CAST: variants seen among roughly 807,000 people sequenced by gnomAD.
CAST encodes calpastatin.
CAST carries 76 observed loss-of-function variants against 119.6 expected under a neutral mutation model. That is an observed-to-expected ratio of 0.64 (90% CI 0.53 to 0.77). CAST has a LOEUF of 0.77. Among genes scored for constraint, CAST ranks in the 30% least tolerant of loss-of-function variants. The pLI is 0.00. For synonymous variants in CAST, 319 were observed against 331.6 expected, an observed-to-expected ratio of 0.96 and a Z score of 0.41; for missense variants, 953 against 946.5, an observed-to-expected ratio of 1.01 and a Z score of -0.09.
chr5:96,738,618 A>T (rs939344272), intron 11 of CAST, among the ~76,000 whole-genome samples: 1 of 151,896 alleles, frequency 6.6e-6, no homozygotes, highest in Non-Finnish European at 1.5e-5. Flanking sequence ...TCCTAAAATT[A>T]TATTTTCCTT....
the CAST span, among the ~76,000 whole-genome samples, chr5:96,028,885 G>C: frequency 2.0e-5 from 3 of 152,064 alleles, no homozygotes; most frequent in Non-Finnish European, 4.4e-5. Context: ...AAATTGTTTA[G>C]AGTGAGACTG....
chr5:96,516,161 C>A, the CAST span, among the ~76,000 whole-genome samples: 1 of 81,056 alleles, frequency 1.2e-5, no homozygotes, highest in Non-Finnish European at 2.8e-5. Context: ...GGTGGCCATG[C>A]ATTTCAGAGG....
rs1358906319 is a variant in CAST at position 96,773,558 on chromosome 5, TAA to T, written c.*943_*944del. The T allele has an allele frequency of 3.9e-5, 6 of 152,188 alleles. No individual in the cohort carries two copies. Among genetic ancestry groups the T allele is most frequent in the Non-Finnish European group, 7.4e-5 (5 of 67,992 alleles). 9.4% of individuals were successfully genotyped at this position (152,188 alleles called of 1,614,324 possible). A position where few individuals can be genotyped will look rare whatever the true frequency, so the allele number is the denominator to read the frequency against. On this transcript the variant is annotated 3_prime_UTR_variant, in exon 32 of 32. Coordinates refer to ENST00000675179, the MANE Select transcript of CAST (RefSeq NM_001750.7). ...GTATAGCGTCTGGCTTTATGGAACTTAAGTTTACCAAATATAAAAAGAAACTT... is the reference window on the plus strand; with the variant it reads ...GTATAGCGTCTGGCTTTATGGAACTTGTTTACCAAATATAAAAAGAAACTT...
chr5:96,111,959 A>T, the CAST span, among the ~76,000 whole-genome samples: 1 of 151,752 alleles, frequency 6.6e-6, no homozygotes, highest in Non-Finnish European at 1.5e-5. Flanking sequence ...GCATTTTTTT[A>T]AACTTTATTT....
At chr5:96,278,228 G>A in the CAST span, among the ~76,000 whole-genome samples, 36 of 152,252 alleles carry the variant, frequency 2.4e-4, no homozygotes, top group African/African-American at 7.9e-4. Context: ...ATCTGTGGGG[G>A]AGTGGTTTGT....
At chr5:96,511,768 G>A in the CAST span, among the ~76,000 whole-genome samples, 2 of 152,196 alleles carry the variant, frequency 1.3e-5, no homozygotes, top group South Asian at 4.1e-4. Flanking sequence ...TTTCCAGAAT[G>A]ACCTAGAGAA....
the CAST span, among the ~76,000 whole-genome samples, chr5:96,347,531 C>A: frequency 1.3e-5 from 2 of 152,128 alleles, no homozygotes; most frequent in African/African-American, 4.8e-5. Flanking sequence ...TAAATCAGAC[C>A]TTGGTTTTTT....
the CAST span, among the ~76,000 whole-genome samples, chr5:96,073,778 G>A: frequency 6.6e-6 from 1 of 152,196 alleles, no homozygotes; most frequent in African/African-American, 2.4e-5. Flanking sequence ...CCCACCTTCT[G>A]CTGTGCGACC....
the CAST span, among the ~76,000 whole-genome samples, chr5:96,504,115 A>G: frequency 6.6e-6 from 1 of 152,146 alleles, no homozygotes; most frequent in African/African-American, 2.4e-5. Flanking sequence ...TGCACGGCCT[A>G]TGACATGCTT....
the CAST span, among the ~76,000 whole-genome samples, chr5:96,108,577 CT>C: frequency 6.6e-6 from 1 of 152,344 alleles, no homozygotes; most frequent in Non-Finnish European, 1.5e-5. Flanking sequence ...GGCAGTGTGC[CT>C]GTTCTCAGAT....
At chr5:96,598,287 T>C (rs1490271383) in intron 1 of CAST, among the ~76,000 whole-genome samples, 1 of 152,180 alleles carries the variant, frequency 6.6e-6, no homozygotes, top group Non-Finnish European at 1.5e-5. Flanking sequence ...TTTTTTTGCC[T>C]TTCATGGACT....
chr5:96,445,086 A>G, the CAST span, among the ~76,000 whole-genome samples: 2 of 152,248 alleles, frequency 1.3e-5, no homozygotes, highest in Non-Finnish European at 2.9e-5. Flanking sequence ...GCCAGCCACC[A>G]GAGGAAAAGG....
chr5:96,135,099 A>G, the CAST span, among the ~76,000 whole-genome samples: 1 of 152,322 alleles, frequency 6.6e-6, no homozygotes, highest in South Asian at 2.1e-4. Context: ...AGTGGGTGGT[A>G]CAGCAGGACA....
the CAST span, among the ~76,000 whole-genome samples, chr5:96,030,965 AT>A: frequency 2.6e-5 from 4 of 152,262 alleles, no homozygotes; most frequent in South Asian, 6.2e-4. Flanking sequence ...ATATTAACGT[AT>A]TGTACTATAT....
chr5:96,593,488 A>G (rs1747000100), intron 1 of CAST, among the ~76,000 whole-genome samples: 1 of 152,154 alleles, frequency 6.6e-6, no homozygotes, highest in African/African-American at 2.4e-5. Flanking sequence ...TGAAATTCTC[A>G]ATAATTTTAG....
chr5:96,566,976 A>G (rs1746478642), intron 1 of CAST, among the ~76,000 whole-genome samples: 1 of 152,214 alleles, frequency 6.6e-6, no homozygotes, highest in Admixed American at 6.5e-5. Flanking sequence ...TTTTAAGCCC[A>G]GCATTGGGTT....
At chr5:96,057,099 A>C in the CAST span, among the ~76,000 whole-genome samples, 13 of 152,190 alleles carry the variant, frequency 8.5e-5, no homozygotes, top group African/African-American at 3.1e-4. Flanking sequence ...CTATAGAAAC[A>C]CTATAGCTGA....
At chr5:95,963,352 G>T in the CAST span, among the ~76,000 whole-genome samples, 1 of 152,098 alleles carries the variant, frequency 6.6e-6, no homozygotes, top group Non-Finnish European at 1.5e-5. Flanking sequence ...AAACATAGTA[G>T]GTGTATAATG....
At chr5:96,254,919 T>G in the CAST span, among the ~76,000 whole-genome samples, 1 of 152,210 alleles carries the variant, frequency 6.6e-6, no homozygotes, top group African/African-American at 2.4e-5. Flanking sequence ...CTATTCTCAC[T>G]TTTATTCTCC....
Sources: allele counts gnomAD v4.1 joint callset (sites outside exome capture counted in the v4.1 genomes callset), GRCh38; gene constraint gnomAD v4.1.1; transcripts MANE v1.5; gene names NCBI Gene and HGNC (gene_info 2026-07-23, HGNC 2026-07-21).